DZIP1: variants seen among roughly 807,000 people sequenced by gnomAD.
The protein encoded by DZIP1 is DAZ interacting zinc finger protein 1, also known as cilium assembly protein DZIP1.
DZIP1 carries 97 observed loss-of-function variants against 107.6 expected under a neutral mutation model. That is an observed-to-expected ratio of 0.90 (90% CI 0.77 to 1.07). The LOEUF (loss-of-function observed/expected upper bound fraction) is 1.07. DZIP1 is among the 50% of genes least tolerant of loss of function. The pLI, the probability that DZIP1 is intolerant of heterozygous loss-of-function variation, is 0.00. For synonymous variants in DZIP1, 390 were observed against 386.4 expected, an observed-to-expected ratio of 1.01 and a Z score of -0.11; for missense variants, 1,035 against 1,063.6, an observed-to-expected ratio of 0.97 and a Z score of 0.37.
At chr13:95,600,737 C>G (rs1016949470) in intron 14 of DZIP1, among the ~76,000 whole-genome samples, 1 of 152,108 alleles carries the variant, frequency 6.6e-6, no homozygotes, top group Non-Finnish European at 1.5e-5. Context: ...AGAAACGCAT[C>G]TTAAACTACT....
At chr13:95,621,712 G>GTGTGTGTA (rs1875881071) in intron 9 of DZIP1, among the ~76,000 whole-genome samples, 1 of 129,578 alleles carries the variant, frequency 7.7e-6, no homozygotes, top group Non-Finnish European at 1.6e-5. Context: ...GTGTGTGTGT[G>GTGTGTGTA]TGTATTTATT....
chr13:95,582,620 G>A (rs2044040153), intron 22 of DZIP1, among the ~76,000 whole-genome samples: 1 of 152,210 alleles, frequency 6.6e-6, no homozygotes, highest in African/African-American at 2.4e-5. Flanking sequence ...TCAGGGCCTG[G>A]ATGTTGAAGG....
intron 5 of DZIP1, among the ~76,000 whole-genome samples, chr13:95,638,085 C>CTTTTT (rs57203833): frequency 2.3e-5 from 2 of 88,648 alleles, no homozygotes; most frequent in African/African-American, 7.4e-5. Context: ...TGAGTTCAAT[C>CTTTTT]TTTTTTTTTT....
intron 16 of DZIP1, among the ~76,000 whole-genome samples, chr13:95,591,572 A>G (rs2044314157): frequency 6.6e-6 from 1 of 152,046 alleles, no homozygotes; most frequent in Non-Finnish European, 1.5e-5. Context: ...TCCATCATCA[A>G]ATTAAGTACC....
At position 95,637,694 on chromosome 13, in the gene DZIP1, G is replaced by A. The variant is rs578001932; in HGVS notation, c.597+3601C>T. Among the ~76,000 whole-genome samples the A allele has an allele frequency of 3.3e-5, 5 of 151,982 alleles. No individual in the cohort carries two copies. In the South Asian group the frequency reaches 8.3e-4, roughly 25 times the overall value. The stretch of plus-strand genomic sequence containing the variant: ...ATGAGGACATAGCAAGAAGGTGGCT[G>A]TTTACAAGCCAGGAAGAGAGGCCTC... On this transcript the variant is annotated intron_variant, in intron 5 of 22. Transcript: ENST00000376829.
In DZIP1 at chr13:95,609,853, C is replaced by A. The variant is rs1024820519; in HGVS notation, c.1364-340G>T. On this transcript the variant is annotated intron_variant, in intron 12 of 22. Transcript: ENST00000376829. Reference sequence around the variant, plus strand: ...AGAGGGAGGAAACCCAGCTCATACACCCCAGTACCACCCCTAGTTGGCATC... The same window carrying A: ...AGAGGGAGGAAACCCAGCTCATACAACCCAGTACCACCCCTAGTTGGCATC... Among the ~76,000 whole-genome samples, 8 of 152,244 alleles carry A rather than the reference C, an allele frequency of 5.3e-5. No individual in the cohort carries two copies. The South Asian group carries it at 1.0e-3, about 20-fold the overall frequency.
In DZIP1 at chr13:95,582,095, C is replaced by T. The variant is rs1229959305; in HGVS notation, c.*139G>A. The T allele has an allele frequency of 6.8e-6, 5 of 732,486 alleles. No homozygotes were observed. The highest frequency in any genetic ancestry group is 2.2e-5 in the Admixed American group (1 of 45,796). 45.4% of individuals were successfully genotyped at this position (732,486 alleles called of 1,614,324 possible). A position where few individuals can be genotyped will look rare whatever the true frequency, so the allele number is the denominator to read the frequency against. ...CTGTATTGGGTGCCATTAAAGAGACCATTGTTCTTTGAATCAGTCTCTGTG... is the reference window on the plus strand; with the variant it reads ...CTGTATTGGGTGCCATTAAAGAGACTATTGTTCTTTGAATCAGTCTCTGTG... On this transcript the variant is annotated 3_prime_UTR_variant, in exon 23 of 23. Transcript: ENST00000376829.
chr13:95,590,339 G>C lies in DZIP1; in HGVS notation c.1783C>G (p.Arg595Gly). Residue 595 changes from arginine (R) to glycine (G), a missense_variant, in exon 17 of 23, where the codon CGA becomes GGA. Coordinates refer to ENST00000376829, the MANE Select transcript of DZIP1 (RefSeq NM_198968.4). ...EREIPNFHQI[R>G]EFLEHQVSCK... ...CTGACTTGATGTTCAAGGAATTCTC[G>C]AATTTGATGAAAGTTAGGTATTTCT... 6.2e-7 allele frequency: 1 copy of C among 1,613,908 alleles called. No individual in the cohort carries two copies.
At chr13:95,632,286 C>T (rs151021349) in intron 6 of DZIP1, among the ~76,000 whole-genome samples, 111 of 152,224 alleles carry the variant, frequency 7.3e-4, no homozygotes, top group African/African-American at 2.4e-3. Flanking sequence ...GTGATGTAAA[C>T]GCACCCATGG....
rs753293298 is a variant in DZIP1 at position 95,584,889 on chromosome 13, C to A, written c.2371G>T (p.Asp791Tyr). Residue 791 changes from aspartate to tyrosine, a missense_variant, in exon 22 of 23, where the codon GAC becomes TAC. Physicochemically the swap from Asp to Tyr is radical, Grantham distance 160. Coordinates refer to ENST00000376829, the MANE Select transcript of DZIP1 (RefSeq NM_198968.4). ...TCCTCTAGGGATGATATGTCCCAGT[C>A]TTCATCCTCCACATCCGCACACTAA... is the stretch of plus-strand genomic sequence containing the variant. ...ELKCADVEDE[D>Y]WDISSLEEEI... 7 of 1,613,800 alleles carry A rather than the reference C, an allele frequency of 4.3e-6. No homozygotes were observed. The highest frequency in any genetic ancestry group is 1.6e-4 in the Middle Eastern group (1 of 6,062).
intron 1 of DZIP1, 27 bp from the exon 2 acceptor site, chr13:95,643,725 C>G (rs1241835254): frequency 3.3e-5 from 5 of 152,636 alleles, no homozygotes; most frequent in African/African-American, 2.4e-5. Flanking sequence ...ACGGAGAAGG[C>G]GTTCAGAATT....
chr13:95,585,879 G>T, intron 21 of DZIP1, 127 bp downstream of exon 21: 1 of 910,444 alleles, frequency 1.1e-6, no homozygotes, highest in Non-Finnish European at 1.6e-6. Context: ...GAACAAGAAA[G>T]GTGAAAATCT....
chr13:95,622,988 T>TGTGAGGG (rs1228432817), intron 8 of DZIP1, among the ~76,000 whole-genome samples: 1 of 152,064 alleles, frequency 6.6e-6, no homozygotes, highest in African/African-American at 2.4e-5. Flanking sequence ...CACACAACAA[T>TGTGAGGG]CTGCCTACCT....
chr13:95,624,968 C>A, intron 7 of DZIP1, 39 bp from the exon 8 acceptor site: 2 of 1,522,448 alleles, frequency 1.3e-6, no homozygotes, highest in South Asian at 2.5e-5. Flanking sequence ...AAGTTCTGGT[C>A]TGAAGAAAAT....
At chr13:95,610,471 C>G (rs2044961656) in intron 12 of DZIP1, among the ~76,000 whole-genome samples, 1 of 151,880 alleles carries the variant, frequency 6.6e-6, no homozygotes, top group Non-Finnish European at 1.5e-5. Flanking sequence ...CTGCCATGCA[C>G]AGCTCATTTT....
intron 12 of DZIP1, 76 bp downstream of exon 12, chr13:95,611,369 G>T: frequency 8.9e-7 from 1 of 1,124,570 alleles, no homozygotes; most frequent in Non-Finnish European, 1.3e-6. Flanking sequence ...AAACAAGTGG[G>T]GCCCACATTC....
At chr13:95,625,660 A>G (rs1434762561) in intron 7 of DZIP1, among the ~76,000 whole-genome samples, 2 of 152,220 alleles carry the variant, frequency 1.3e-5, no homozygotes, top group Non-Finnish European at 2.9e-5. Context: ...AAATACGTGG[A>G]AAGTAAACAA....
chr13:95,608,196 T>C (rs532796134), intron 13 of DZIP1, among the ~76,000 whole-genome samples: 41 of 152,278 alleles, frequency 2.7e-4, no homozygotes, highest in African/African-American at 8.7e-4. Flanking sequence ...CTAGAGCCAG[T>C]GGCATCCATA....
chr13:95,637,531 G>C (rs1877945689), intron 5 of DZIP1, among the ~76,000 whole-genome samples: 1 of 152,154 alleles, frequency 6.6e-6, no homozygotes, highest in Admixed American at 6.5e-5. Flanking sequence ...TTGAGCCTAG[G>C]AGTTTAAGGC....
Sources: allele counts gnomAD v4.1 joint callset (sites outside exome capture counted in the v4.1 genomes callset), GRCh38; gene constraint gnomAD v4.1.1; transcripts MANE v1.5; gene names NCBI Gene and HGNC (gene_info 2026-07-23, HGNC 2026-07-21).